ARHGEF28: variants seen among roughly 807,000 people sequenced by gnomAD.
ARHGEF28 encodes the protein Rho guanine nucleotide exchange factor 28, also known as 190 kDa guanine nucleotide exchange factor.
Under a neutral mutation model 206.6 loss-of-function variants are expected in ARHGEF28, and 152 were observed. The observed-to-expected ratio is 0.74, with a 90% CI of 0.64 to 0.84. The LOEUF (loss-of-function observed/expected upper bound fraction) is 0.84, where lower values mean the gene tolerates loss of function less well. ARHGEF28 is among the 40% of genes least tolerant of loss of function. The pLI is 0.00. For missense variants in ARHGEF28, 2,028 were observed against 2,073.2 expected, an observed-to-expected ratio of 0.98 and a Z score of 0.42; for synonymous variants, 763 against 776.4, an observed-to-expected ratio of 0.98 and a Z score of 0.29.
rs141883766 is a variant in ARHGEF28 at position 73,742,100 on chromosome 5, C to A, written c.34-7737C>A. On this transcript the variant is annotated intron_variant, in intron 2 of 35. Transcript: ENST00000513042. The stretch of plus-strand genomic sequence containing the variant: ...CTAGTAATATGTGTTGCTTTAAAAT[C>A]TGCTTTGTCTGATATTATTTTGTTT... Among the ~76,000 whole-genome samples, 45 of 152,156 alleles carry A rather than the reference C, an allele frequency of 3.0e-4. 1 individual carries two copies. The East Asian group carries it at 7.9e-3, about 27-fold the overall frequency.
intron 2 of ARHGEF28, among the ~76,000 whole-genome samples, chr5:73,718,453 G>A (rs1749721551): frequency 6.6e-6 from 1 of 152,192 alleles, no homozygotes; most frequent in Non-Finnish European, 1.5e-5. Context: ...CACCTTTCCA[G>A]GATGGTTTCC....
intron 2 of ARHGEF28, among the ~76,000 whole-genome samples, chr5:73,690,588 C>T (rs1263857523): frequency 2.1e-5 from 3 of 144,858 alleles, no homozygotes; most frequent in Non-Finnish European, 4.5e-5. Context: ...GTCCCAGCTA[C>T]TTGGGAGGCT....
At chr5:73,773,306 C>T (rs1267289264) in intron 4 of ARHGEF28, among the ~76,000 whole-genome samples, 1 of 152,132 alleles carries the variant, frequency 6.6e-6, no homozygotes, top group Non-Finnish European at 1.5e-5. Context: ...GACATAATCT[C>T]AGGGATTTAG....
chr5:73,658,248 T>C (rs570633096), intron 1 of ARHGEF28, among the ~76,000 whole-genome samples: 3 of 152,154 alleles, frequency 2.0e-5, no homozygotes, highest in Admixed American at 2.0e-4. Flanking sequence ...TTTCTTCTCT[T>C]TACTCTAATG....
At chr5:73,897,538 C>T (rs934018018) in intron 29 of ARHGEF28, among the ~76,000 whole-genome samples, 3 of 152,160 alleles carry the variant, frequency 2.0e-5, no homozygotes, top group African/African-American at 7.2e-5. Flanking sequence ...ATTTTAATGC[C>T]TGGTATATTT....
At chr5:73,932,909 C>T (rs1764212677) in intron 35 of ARHGEF28, among the ~76,000 whole-genome samples, 2 of 145,664 alleles carry the variant, frequency 1.4e-5, no homozygotes, top group South Asian at 2.2e-4. Flanking sequence ...CCCGGGTTCA[C>T]GCCATTCTCC....
intron 2 of ARHGEF28, among the ~76,000 whole-genome samples, chr5:73,721,550 C>T (rs1749946041): frequency 6.6e-6 from 1 of 152,110 alleles, no homozygotes; most frequent in Admixed American, 6.5e-5. Context: ...TTTAAATGAA[C>T]CTGAAATTGG....
At chr5:73,681,590 G>A (rs1171562869) in intron 1 of ARHGEF28, among the ~76,000 whole-genome samples, 5 of 152,024 alleles carry the variant, frequency 3.3e-5, no homozygotes, top group African/African-American at 7.3e-5. Flanking sequence ...TGAGGCAGGC[G>A]GATCACTTGA....
intron 9 of ARHGEF28, among the ~76,000 whole-genome samples, chr5:73,821,669 A>G (rs967930048): frequency 6.6e-6 from 1 of 151,574 alleles, no homozygotes; most frequent in African/African-American, 2.4e-5. Context: ...TGGTGTTTTT[A>G]TATATTAGGT....
intron 2 of ARHGEF28, among the ~76,000 whole-genome samples, chr5:73,700,916 T>G (rs2112285434): frequency 6.6e-6 from 1 of 152,212 alleles, no homozygotes; most frequent in Non-Finnish European, 1.5e-5. Flanking sequence ...ATCCCAAGGG[T>G]TAGTGGAACA....
At chr5:73,938,618 T>C (rs1742351847) in intron 35 of ARHGEF28, among the ~76,000 whole-genome samples, 1 of 152,156 alleles carries the variant, frequency 6.6e-6, no homozygotes, top group African/African-American at 2.4e-5. Flanking sequence ...CGATGGAAAT[T>C]TGGGGGCATT....
At chr5:73,940,812 C>G (rs1388997508) in intron 35 of ARHGEF28, 32 bp from the exon 36 acceptor site, 45 of 1,408,426 alleles carry the variant, frequency 3.2e-5, no homozygotes, top group Admixed American at 6.4e-5. Context: ...CTCAGGTGGC[C>G]TCCTGTAACC....
At chr5:73,896,870 C>T (rs957676832) in intron 29 of ARHGEF28, among the ~76,000 whole-genome samples, 12 of 152,198 alleles carry the variant, frequency 7.9e-5, no homozygotes, top group Non-Finnish European at 1.8e-4. Flanking sequence ...GCCGGGGCAG[C>T]GGCGGACCCA....
chr5:73,911,165 C>CACT, intron 34 of ARHGEF28, 110 bp from the exon 35 acceptor site: 1 of 1,123,318 alleles, frequency 8.9e-7, no homozygotes, highest in Non-Finnish European at 1.2e-6. Context: ...TAATCTTGAC[C>CACT]TCACTTTTAC....
At chr5:73,663,289 A>C (rs1745731274) in intron 1 of ARHGEF28, among the ~76,000 whole-genome samples, 1 of 152,200 alleles carries the variant, frequency 6.6e-6, no homozygotes, top group Non-Finnish European at 1.5e-5. Context: ...AGGATGTGGA[A>C]CACTTCTTCA....
chr5:73,902,714 G>T (rs1286379695), intron 31 of ARHGEF28: 1 of 152,042 alleles, frequency 6.6e-6, no homozygotes, highest in African/African-American at 2.4e-5. Context: ...TGGATAAATC[G>T]CCAACTGCAG....
intron 35 of ARHGEF28, among the ~76,000 whole-genome samples, chr5:73,915,226 A>C (rs1376206450): frequency 6.6e-6 from 1 of 152,082 alleles, no homozygotes; most frequent in Non-Finnish European, 1.5e-5. Context: ...TACTGTGGCC[A>C]ACTCTTGCAT....
chr5:73,651,630 TAC>T (rs1209763418), intron 1 of ARHGEF28, among the ~76,000 whole-genome samples: 1 of 152,220 alleles, frequency 6.6e-6, no homozygotes, highest in Non-Finnish European at 1.5e-5. Flanking sequence ...ATCTAGTGTA[TAC>T]ACTGAAAATC....
chr5:73,914,519 C>T (rs1221886942), intron 35 of ARHGEF28, among the ~76,000 whole-genome samples: 1 of 149,868 alleles, frequency 6.7e-6, no homozygotes, highest in Non-Finnish European at 1.5e-5. Flanking sequence ...GCCTCAGCCT[C>T]CTGAGTAGCT....
Sources: gnomAD v4.1 joint callset for allele counts (sites outside exome capture counted in the v4.1 genomes callset) on GRCh38, gnomAD v4.1.1 for gene constraint, MANE v1.5 for transcripts, NCBI Gene and HGNC (gene_info 2026-07-23, HGNC 2026-07-21) for gene names.